Variants in VTI1A observed in about 807,000 individuals in gnomAD.
VTI1A encodes vesicle transport through interaction with t-SNAREs homolog 1A.
VTI1A carries 22 observed loss-of-function variants against 34.9 expected under a neutral mutation model. That is an observed-to-expected ratio of 0.63 (90% confidence interval 0.45 to 0.90). The LOEUF is 0.90. VTI1A is among the 40% of genes least tolerant of loss of function. VTI1A has a pLI of 0.00. For synonymous variants in VTI1A, 87 were observed against 97.3 expected (o/e 0.89, Z 0.62); for missense variants, 268 against 275.6 (o/e 0.97, Z 0.20).
At chr10:112,621,598 AC>A in intron 5 of VTI1A, among the ~76,000 whole-genome samples, 1 of 152,304 alleles carries the variant, frequency 6.6e-6, no homozygotes, top group African/African-American at 2.4e-5. Flanking sequence ...TAATCTGGGA[AC>A]CATTCCACCA....
chr10:112,683,490 C>T (rs563388122), intron 7 of VTI1A, among the ~76,000 whole-genome samples: 50 of 152,220 alleles, frequency 3.3e-4, no homozygotes, highest in Non-Finnish European at 6.5e-4. Context: ...CTTTTTAAAT[C>T]ATATTTTTCC....
At chr10:112,651,142 C>T (rs899181279) in intron 5 of VTI1A, among the ~76,000 whole-genome samples, 1 of 152,118 alleles carries the variant, frequency 6.6e-6, no homozygotes, top group African/African-American at 2.4e-5. Flanking sequence ...TCCTTCTTGG[C>T]CCTAGAAAGT....
intron 7 of VTI1A, among the ~76,000 whole-genome samples, chr10:112,682,994 T>C (rs951368280): frequency 5.9e-5 from 9 of 152,230 alleles, no homozygotes; most frequent in African/African-American, 2.2e-4. Context: ...CTACAGCTTT[T>C]TCTTTTGAAA....
At chr10:112,670,543 C>A (rs531799978) in intron 7 of VTI1A, among the ~76,000 whole-genome samples, 1 of 152,134 alleles carries the variant, frequency 6.6e-6, no homozygotes, top group South Asian at 2.1e-4. Flanking sequence ...CTACCTCACC[C>A]TTTAGTGCGG....
chr10:112,480,316 T>A (rs1288807653), intron 3 of VTI1A, among the ~76,000 whole-genome samples: 1 of 152,232 alleles, frequency 6.6e-6, no homozygotes, highest in Non-Finnish European at 1.5e-5. Context: ...TTAATTTTGG[T>A]GGTTCTTAAC....
intron 7 of VTI1A, among the ~76,000 whole-genome samples, chr10:112,758,615 G>A (rs1440926989): frequency 6.6e-6 from 1 of 152,250 alleles, no homozygotes; most frequent in African/African-American, 2.4e-5. Flanking sequence ...AAGGGCTTGG[G>A]CTGAGAAGTG....
At chr10:112,763,433 C>T (rs1050641079) in intron 7 of VTI1A, among the ~76,000 whole-genome samples, 1 of 133,846 alleles carries the variant, frequency 7.5e-6, no homozygotes, top group Non-Finnish European at 1.6e-5. Context: ...AGCGAGACAC[C>T]ATCTCAAAAA....
At chr10:112,826,847 G>A in the VTI1A span, 9 of 152,318 alleles carry the variant, frequency 5.9e-5, 1 homozygote, top group African/African-American at 2.2e-4. Context: ...TGGGTCTAAA[G>A]TAGCATCCCG....
chr10:112,559,301 T>C (rs1277559342), intron 5 of VTI1A, among the ~76,000 whole-genome samples: 1 of 152,232 alleles, frequency 6.6e-6, no homozygotes, highest in Non-Finnish European at 1.5e-5. Flanking sequence ...AAGTACAGAT[T>C]GGCAACATTG....
At chr10:112,664,911 C>G (rs903614793) in intron 5 of VTI1A, among the ~76,000 whole-genome samples, 1 of 152,138 alleles carries the variant, frequency 6.6e-6, no homozygotes, top group East Asian at 1.9e-4. Context: ...TTTTCATTGC[C>G]TTGTTATGCT....
chr10:112,579,068 C>T (rs1245517722), intron 5 of VTI1A, among the ~76,000 whole-genome samples: 1 of 152,158 alleles, frequency 6.6e-6, no homozygotes, highest in Non-Finnish European at 1.5e-5. Flanking sequence ...TGGAAACTTA[C>T]AGAATAGTAT....
chr10:112,714,093 T>A (rs939676690), intron 7 of VTI1A, among the ~76,000 whole-genome samples: 5 of 152,134 alleles, frequency 3.3e-5, no homozygotes, highest in African/African-American at 1.2e-4. Flanking sequence ...GCATTCCCTA[T>A]TGAAAACTTA....
intron 2 of VTI1A, among the ~76,000 whole-genome samples, chr10:112,461,587 T>C (rs1176519998): frequency 1.3e-5 from 2 of 152,198 alleles, no homozygotes; most frequent in Non-Finnish European, 2.9e-5. Flanking sequence ...TTTATATAAA[T>C]ACATCAGTAA....
At chr10:112,477,575 A>T (rs567980027) in intron 3 of VTI1A, among the ~76,000 whole-genome samples, 1 of 152,380 alleles carries the variant, frequency 6.6e-6, no homozygotes, top group East Asian at 1.9e-4. Context: ...TTCTTTTATT[A>T]GTCATGAAGA....
chr10:112,804,995 G>C (rs1853021685), intron 7 of VTI1A, among the ~76,000 whole-genome samples: 1 of 151,542 alleles, frequency 6.6e-6, no homozygotes, highest in South Asian at 2.1e-4. Context: ...AGAGTAGCTG[G>C]GGCTAAAGGT....
chr10:112,494,084 G>A (rs572702318), intron 3 of VTI1A, among the ~76,000 whole-genome samples: 2 of 152,248 alleles, frequency 1.3e-5, no homozygotes, highest in South Asian at 2.1e-4. Context: ...AGCCACTTGA[G>A]TCTGAGCTTT....
intron 7 of VTI1A, among the ~76,000 whole-genome samples, chr10:112,741,203 C>T (rs1850681509): frequency 6.6e-6 from 1 of 152,182 alleles, no homozygotes; most frequent in Admixed American, 6.5e-5. Flanking sequence ...CGCCTGTAGT[C>T]CCAGCACTTT....
chr10:112,692,572 T>C (rs893552121), intron 7 of VTI1A, among the ~76,000 whole-genome samples: 4 of 152,202 alleles, frequency 2.6e-5, no homozygotes, highest in Admixed American at 6.5e-5. Context: ...GTTTTTATTG[T>C]GGGGAGGTGG....
chr10:112,653,750 C>T (rs1353711793), intron 5 of VTI1A, among the ~76,000 whole-genome samples: 1 of 152,188 alleles, frequency 6.6e-6, no homozygotes, highest in East Asian at 1.9e-4. Flanking sequence ...TATACACAGC[C>T]TGTAAGCAAT....
Sources: gnomAD v4.1 joint callset for allele counts (sites outside exome capture counted in the v4.1 genomes callset) on GRCh38, gnomAD v4.1.1 for gene constraint, MANE v1.5 for transcripts, NCBI Gene and HGNC (gene_info 2026-07-23, HGNC 2026-07-21) for gene names.